HS3ST5: variants seen among roughly 807,000 people sequenced by gnomAD.
HS3ST5 encodes the protein heparan sulfate-glucosamine 3-sulfotransferase 5.
A neutral mutation model predicts 25.4 loss-of-function variants in HS3ST5; 10 were observed. The observed-to-expected ratio is 0.39, with a 90% CI of 0.24 to 0.67. The LOEUF (loss-of-function observed/expected upper bound fraction) is 0.67. Among genes scored for constraint, HS3ST5 ranks in the 30% least tolerant of loss-of-function variants. The pLI, the probability that HS3ST5 is intolerant of heterozygous loss-of-function variation, is 0.44. For synonymous variants in HS3ST5, 170 were observed against 162.4 expected (o/e 1.05, Z -0.36); for missense variants, 324 against 420.7 (o/e 0.77, Z 2.01).
intron 2 of HS3ST5, among the ~76,000 whole-genome samples, chr6:114,225,319 A>G (rs938745301): frequency 6.6e-6 from 1 of 151,900 alleles, no homozygotes; most frequent in Non-Finnish European, 1.5e-5. Flanking sequence ...ACCTTCTAGT[A>G]GTAGACTTGC....
At chr6:114,329,288 G>C (rs1487801528) in intron 1 of HS3ST5, among the ~76,000 whole-genome samples, 1 of 152,172 alleles carries the variant, frequency 6.6e-6, no homozygotes, top group Non-Finnish European at 1.5e-5. Context: ...TTCAGTTTAA[G>C]ACTTTGAAAT....
At chr6:114,162,506 C>T (rs1417868305) in intron 3 of HS3ST5, among the ~76,000 whole-genome samples, 2 of 152,170 alleles carry the variant, frequency 1.3e-5, no homozygotes, top group African/African-American at 4.8e-5. Context: ...TCCATCCTGC[C>T]TAGTCCTGCC....
In HS3ST5 at chr6:114,255,394, G is replaced by A. The variant is rs539037046; in HGVS notation, c.-338-26616C>T. ...GGCCTGCAGCTTTTCCACAGACACC[G>A]CTGAGTGTCTGCGGCTTTTCCAGGT... On this transcript the variant is annotated intron_variant, in intron 1 of 4. Coordinates refer to ENST00000312719, the MANE Select transcript of HS3ST5 (RefSeq NM_153612.4). Among the ~76,000 whole-genome samples, 15 of 152,228 alleles carry A rather than the reference G, an allele frequency of 9.9e-5. No individual in the cohort carries two copies. The South Asian group carries it at 2.1e-3, about 21-fold the overall frequency.
chr6:114,057,326 C>T lies in HS3ST5; in HGVS notation c.972G>A (p.Leu324=), dbSNP rs1262262860. The T allele has an allele frequency of 1.8e-5, 29 of 1,614,064 alleles. No homozygotes were observed. The highest frequency in any genetic ancestry group is 2.5e-5 in the Non-Finnish European group (29 of 1,180,022). ...PEVDPSVITK[L]RKFFHPFNQK... ...GATTAAAAGGATGAAAGAATTTGCG[C>T]AATTTAGTAATGACAGAGGGGTCCA... The change falls in exon 5 of 5, where the codon TTG becomes TTA. Residue 324 remains leucine, a synonymous_variant. Transcript: ENST00000312719.
chr6:114,296,389 A>T (rs565010570), intron 1 of HS3ST5, among the ~76,000 whole-genome samples: 1 of 152,346 alleles, frequency 6.6e-6, no homozygotes, highest in East Asian at 1.9e-4. Context: ...AGTTATTAAC[A>T]TGTCTATAGT....
At chr6:114,257,123 G>C (rs1156262819) in intron 1 of HS3ST5, among the ~76,000 whole-genome samples, 1 of 152,074 alleles carries the variant, frequency 6.6e-6, no homozygotes, top group African/African-American at 2.4e-5. Context: ...CTCCCACCGG[G>C]TCCCTCCCAC....
At chr6:114,065,377 G>C (rs1257547848) in intron 3 of HS3ST5, among the ~76,000 whole-genome samples, 1 of 152,170 alleles carries the variant, frequency 6.6e-6, no homozygotes, top group Non-Finnish European at 1.5e-5. Flanking sequence ...CGTGCTTTGG[G>C]CTCTGATCCT....
rs1562192206 is a variant in HS3ST5, at chr6:114,088,923, C to T, written c.-32-26046G>A. On this transcript the variant is annotated intron_variant, in intron 3 of 4. Transcript: ENST00000312719. ...ACTGCAGAGAGCACTGCGCTCATTT[C>T]CCTCTTCTTACAGATGAAGGAGCTG... 2.0e-5 allele frequency: 3 copies of T among 152,306 alleles called. No individual in the cohort carries two copies. In the South Asian group the frequency reaches 6.2e-4, roughly 32 times the overall value. The allele number at this position is 152,306 out of a possible 1,614,324, so 9.4% of individuals were successfully genotyped here. A position where few individuals can be genotyped will look rare whatever the true frequency, so the allele number is the denominator to read the frequency against.
chr6:114,153,762 CAG>C (rs1778568158), intron 3 of HS3ST5, among the ~76,000 whole-genome samples: 1 of 152,154 alleles, frequency 6.6e-6, no homozygotes, highest in Admixed American at 6.5e-5. Flanking sequence ...ATCAAGGACT[CAG>C]TGGTGTCAGC....
At chr6:114,172,352 A>C (rs1431548655) in intron 2 of HS3ST5, among the ~76,000 whole-genome samples, 1 of 152,188 alleles carries the variant, frequency 6.6e-6, no homozygotes, top group East Asian at 1.9e-4. Flanking sequence ...ACACATACAA[A>C]TATTCCTCCT....
chr6:114,277,643 T>C (rs1285239359), intron 1 of HS3ST5, among the ~76,000 whole-genome samples: 1 of 151,886 alleles, frequency 6.6e-6, no homozygotes, highest in East Asian at 1.9e-4. Context: ...GCACAAAACA[T>C]TTATTTCATA....
intron 1 of HS3ST5, among the ~76,000 whole-genome samples, chr6:114,268,364 T>C (rs1329464553): frequency 6.6e-6 from 1 of 152,200 alleles, no homozygotes; most frequent in African/African-American, 2.4e-5. Flanking sequence ...CCATTGTTGC[T>C]CTTCCTCCTG....
chr6:114,186,182 G>C (rs1027007844), intron 2 of HS3ST5, among the ~76,000 whole-genome samples: 11 of 151,978 alleles, frequency 7.2e-5, no homozygotes, highest in African/African-American at 2.7e-4. Context: ...TCAAGTGAAA[G>C]AGTCATATCT....
chr6:114,060,013 TTTTTTTTC>T (rs1363451015), intron 4 of HS3ST5, among the ~76,000 whole-genome samples: 2 of 141,516 alleles, frequency 1.4e-5, no homozygotes, highest in South Asian at 2.1e-4. Context: ...TATAGACAAC[TTTTTTTTC>T]TTTTTTTTTT....
chr6:114,127,330 A>G (rs571133980), intron 3 of HS3ST5, among the ~76,000 whole-genome samples: 1 of 152,340 alleles, frequency 6.6e-6, no homozygotes, highest in Admixed American at 6.5e-5. Flanking sequence ...GGAAATAGGC[A>G]TGAAAATGAG....
intron 3 of HS3ST5, among the ~76,000 whole-genome samples, chr6:114,134,608 G>A (rs138786982): frequency 6.6e-6 from 1 of 152,286 alleles, no homozygotes; most frequent in African/African-American, 2.4e-5. Flanking sequence ...GGAAATACCT[G>A]CTCGGGCCTT....
At chr6:114,066,085 C>T (rs911240960) in intron 3 of HS3ST5, among the ~76,000 whole-genome samples, 2 of 152,240 alleles carry the variant, frequency 1.3e-5, no homozygotes, top group African/African-American at 4.8e-5. Context: ...GTCAAAACCA[C>T]AGTTAGACAT....
intron 2 of HS3ST5, among the ~76,000 whole-genome samples, chr6:114,212,608 T>TA (rs1781556259): frequency 1.3e-5 from 2 of 152,260 alleles, no homozygotes; most frequent in South Asian, 2.1e-4. Flanking sequence ...CTTTTTAACT[T>TA]AGACATATTT....
chr6:114,234,701 G>A (rs532644489), intron 1 of HS3ST5, among the ~76,000 whole-genome samples: 1 of 152,234 alleles, frequency 6.6e-6, no homozygotes, highest in Non-Finnish European at 1.5e-5. Flanking sequence ...GGGGGAAAAA[G>A]CAAATTTTCA....
Sources: gnomAD v4.1 joint callset for allele counts (sites outside exome capture counted in the v4.1 genomes callset) on GRCh38, gnomAD v4.1.1 for gene constraint, MANE v1.5 for transcripts, NCBI Gene and HGNC (gene_info 2026-07-23, HGNC 2026-07-21) for gene names.